The following COL8A1 variants were observed in gnomAD, a reference collection of about 807,000 sequenced individuals.
COL8A1 encodes collagen alpha-1(VIII) chain.
A neutral mutation model predicts 42.7 loss-of-function variants in COL8A1; 21 were observed. The ratio of observed to expected loss-of-function variants is 0.49; its 90% CI spans 0.35 to 0.71. The LOEUF (loss-of-function observed/expected upper bound fraction) is 0.71, where lower values mean the gene tolerates loss of function less well. COL8A1 is among the 30% of genes least tolerant of loss of function. The probability of loss-of-function intolerance (pLI) is 0.01; values close to 1 mark genes in which losing one functional copy is unlikely to be tolerated. For missense variants in COL8A1, 788 were observed against 962.4 expected, an observed-to-expected ratio of 0.82 and a Z score of 2.40; for synonymous variants, 367 against 369.1, an observed-to-expected ratio of 0.99 and a Z score of 0.06.
chr3:99,695,634 G>A (rs1033329597), intron 1 of COL8A1, among the ~76,000 whole-genome samples: 5 of 150,456 alleles, frequency 3.3e-5, no homozygotes, highest in South Asian at 2.1e-4. Flanking sequence ...CTGCTTTTCC[G>A]GTCCTCTCTC....
In COL8A1 at chr3:99,731,373, C is replaced by T. The variant is rs201699173; in HGVS notation, c.-128-13524C>T. On this transcript the variant is annotated intron_variant, in intron 1 of 3. Transcript: ENST00000652472. The stretch of plus-strand genomic sequence containing the variant: ...TTATAGACAGAGGAATGGCAAAGCC[C>T]TATAAGTAAGGATCAGCTCTCTGTT... 2.6e-5 allele frequency among the ~76,000 whole-genome samples: 4 copies of T among 152,182 alleles called. No individual in the cohort carries two copies. The East Asian group carries it at 7.7e-4, about 29-fold the overall frequency.
At chr3:99,725,267 C>T (rs1256400301) in intron 1 of COL8A1, among the ~76,000 whole-genome samples, 1 of 151,994 alleles carries the variant, frequency 6.6e-6, no homozygotes, top group Non-Finnish European at 1.5e-5. Context: ...CTGAGTTCAC[C>T]CACTGCCATA....
intron 1 of COL8A1, among the ~76,000 whole-genome samples, chr3:99,727,119 G>A (rs993916618): frequency 1.3e-5 from 2 of 152,062 alleles, no homozygotes; most frequent in Admixed American, 6.6e-5. Flanking sequence ...TCCTTGAAGA[G>A]GTCCTTCACT....
intron 2 of COL8A1, among the ~76,000 whole-genome samples, chr3:99,782,566 A>G (rs1022533437): frequency 3.3e-5 from 5 of 151,890 alleles, no homozygotes; most frequent in Non-Finnish European, 7.4e-5. Context: ...TAATTTTTGT[A>G]TTTTTAGTAG....
intron 2 of COL8A1, among the ~76,000 whole-genome samples, chr3:99,767,454 G>A (rs1032568837): frequency 1.3e-5 from 2 of 152,076 alleles, no homozygotes; most frequent in Non-Finnish European, 2.9e-5. Context: ...CTTTTCTTCA[G>A]GAACAGCAAT....
intron 2 of COL8A1, among the ~76,000 whole-genome samples, chr3:99,771,497 G>A (rs1941580035): frequency 6.6e-6 from 1 of 152,146 alleles, no homozygotes; most frequent in East Asian, 1.9e-4. Flanking sequence ...TAGGTGTGAG[G>A]AAAAAGGTGT....
At chr3:99,674,867 T>G (rs908447746) in intron 1 of COL8A1, among the ~76,000 whole-genome samples, 1 of 152,112 alleles carries the variant, frequency 6.6e-6, no homozygotes, top group African/African-American at 2.4e-5. Context: ...TTTTTCACAT[T>G]TAGAATTTTG....
intron 1 of COL8A1, among the ~76,000 whole-genome samples, chr3:99,659,176 T>A (rs745894112): frequency 1.4e-4 from 21 of 152,194 alleles, no homozygotes; most frequent in Non-Finnish European, 1.9e-4. Flanking sequence ...ATGTGACTCA[T>A]GGATAAGGCC....
intron 1 of COL8A1, among the ~76,000 whole-genome samples, chr3:99,722,066 A>G (rs796407347): frequency 1.3e-5 from 2 of 152,148 alleles, no homozygotes; most frequent in African/African-American, 2.4e-5. Flanking sequence ...ACTTTTTTCA[A>G]TGCCCTACTT....
intron 1 of COL8A1, among the ~76,000 whole-genome samples, chr3:99,743,469 G>A (rs1197453924): frequency 6.6e-6 from 1 of 152,002 alleles, no homozygotes; most frequent in African/African-American, 2.4e-5. Context: ...TGTACTTTAG[G>A]AACATTACTG....
intron 2 of COL8A1, among the ~76,000 whole-genome samples, chr3:99,789,755 C>T (rs1007733982): frequency 6.6e-6 from 1 of 152,142 alleles, no homozygotes; most frequent in African/African-American, 2.4e-5. Context: ...TTAAACATCT[C>T]CCTCTTATTC....
intron 1 of COL8A1, chr3:99,677,922 A>G (rs572037805): frequency 8.5e-5 from 13 of 152,338 alleles, no homozygotes; most frequent in Admixed American, 2.0e-4. Flanking sequence ...CAGGTTGCCA[A>G]TGGTTTGTGA....
chr3:99,752,021 T>A (rs1242564821), intron 2 of COL8A1, among the ~76,000 whole-genome samples: 1 of 152,190 alleles, frequency 6.6e-6, no homozygotes, highest in Non-Finnish European at 1.5e-5. Flanking sequence ...ATCCTCCTGA[T>A]TTAATGCATT....
intron 1 of COL8A1, among the ~76,000 whole-genome samples, chr3:99,641,043 G>A (rs1346460698): frequency 6.6e-6 from 1 of 152,110 alleles, no homozygotes; most frequent in Non-Finnish European, 1.5e-5. Context: ...ACAGAAATGT[G>A]CATTTTAGAT....
At chr3:99,781,958 G>A (rs1465137642) in intron 2 of COL8A1, among the ~76,000 whole-genome samples, 3 of 152,108 alleles carry the variant, frequency 2.0e-5, no homozygotes, top group Non-Finnish European at 4.4e-5. Flanking sequence ...CCTTTCCAAT[G>A]TGCATACTTT....
At chr3:99,641,239 G>A (rs377400857) in intron 1 of COL8A1, among the ~76,000 whole-genome samples, 21 of 152,214 alleles carry the variant, frequency 1.4e-4, no homozygotes, top group East Asian at 9.7e-4. Flanking sequence ...GCTCTGTTAC[G>A]AAACGCAACT....
intron 1 of COL8A1, among the ~76,000 whole-genome samples, chr3:99,686,848 G>C (rs2107329381): frequency 6.6e-6 from 1 of 152,030 alleles, no homozygotes; most frequent in Non-Finnish European, 1.5e-5. Context: ...GCTAATTTTT[G>C]TTTGTTTGTT....
At chr3:99,656,413 G>A (rs910338555) in intron 1 of COL8A1, among the ~76,000 whole-genome samples, 1 of 151,242 alleles carries the variant, frequency 6.6e-6, no homozygotes, top group Non-Finnish European at 1.5e-5. Flanking sequence ...TTAAGTTTGT[G>A]CTTTCTTTTC....
At chr3:99,752,103 A>T (rs950411426) in intron 2 of COL8A1, among the ~76,000 whole-genome samples, 4 of 152,172 alleles carry the variant, frequency 2.6e-5, no homozygotes, top group African/African-American at 9.7e-5. Flanking sequence ...ATAGATACTT[A>T]CTTTGCATTA....
Sources: allele counts gnomAD v4.1 joint callset (sites outside exome capture counted in the v4.1 genomes callset), GRCh38; gene constraint gnomAD v4.1.1; transcripts MANE v1.5; gene names NCBI Gene and HGNC (gene_info 2026-07-23, HGNC 2026-07-21).